The following RUNX1 variants were observed in gnomAD, a reference collection of about 807,000 sequenced individuals.
The protein encoded by RUNX1 is RUNX family transcription factor 1, also known as runt-related transcription factor 1.
RUNX1 carries 19 observed loss-of-function variants against 42.8 expected under a neutral mutation model. The observed-to-expected ratio is 0.44, with a 90% confidence interval of 0.31 to 0.65. The LOEUF is 0.65. Among genes scored for constraint, RUNX1 ranks in the 30% least tolerant of loss-of-function variants. The pLI is 0.07. For missense variants in RUNX1, 528 were observed against 672.0 expected (o/e 0.79, Z 2.37); for synonymous variants, 271 against 289.4 (o/e 0.94, Z 0.64).
At chr21:34,942,155 C>T (rs898617881) in intron 2 of RUNX1, among the ~76,000 whole-genome samples, 60 of 152,062 alleles carry the variant, frequency 3.9e-4, no homozygotes, top group African/African-American at 1.4e-3. Context: ...GAGGTTCCGC[C>T]TATGTTGGAG....
At chr21:35,035,528 A>C (rs1198832306) in intron 2 of RUNX1, among the ~76,000 whole-genome samples, 1 of 152,164 alleles carries the variant, frequency 6.6e-6, no homozygotes, top group African/African-American at 2.4e-5. Context: ...ATTTTTAGCC[A>C]GTGGGAATTA....
intron 7 of RUNX1, among the ~76,000 whole-genome samples, chr21:34,829,067 A>G (rs2057028733): frequency 6.6e-6 from 1 of 152,186 alleles, no homozygotes; most frequent in African/African-American, 2.4e-5. Flanking sequence ...AGATAAGAAA[A>G]CTAAGGCTTT....
At chr21:34,980,370 G>A (rs958886307) in intron 2 of RUNX1, among the ~76,000 whole-genome samples, 2 of 152,206 alleles carry the variant, frequency 1.3e-5, no homozygotes, top group African/African-American at 2.4e-5. Context: ...ACATTTATCA[G>A]GTCCTACGTA....
At chr21:34,953,740 A>G (rs1489880453) in intron 2 of RUNX1, among the ~76,000 whole-genome samples, 1 of 152,244 alleles carries the variant, frequency 6.6e-6, no homozygotes, top group Admixed American at 6.5e-5. Context: ...AGGAAAGACA[A>G]ATCCACAACT....
chr21:34,957,817 C>T (rs776673182), intron 2 of RUNX1, among the ~76,000 whole-genome samples: 22 of 152,044 alleles, frequency 1.4e-4, no homozygotes, highest in Non-Finnish European at 2.1e-4. Flanking sequence ...TCTGGAATCC[C>T]GAGGCTGATG....
chr21:35,038,671 G>C (rs969997617), intron 2 of RUNX1: 1 of 455,436 alleles, frequency 2.2e-6, no homozygotes, highest in Non-Finnish European at 4.4e-6. Context: ...GAGAGAGAGA[G>C]ACCTTTATTT....
At chr21:34,848,487 T>A (rs1009418057) in intron 6 of RUNX1, among the ~76,000 whole-genome samples, 1 of 152,160 alleles carries the variant, frequency 6.6e-6, no homozygotes, top group African/African-American at 2.4e-5. Flanking sequence ...CAGGCTGGAG[T>A]GCAGTGGAGC....
intron 7 of RUNX1, among the ~76,000 whole-genome samples, chr21:34,822,000 C>G (rs2056915313): frequency 6.6e-6 from 1 of 152,202 alleles, no homozygotes. Flanking sequence ...GGCTCAGAGC[C>G]TCTCACACAG....
At chr21:34,888,509 A>T in intron 3 of RUNX1, 1 of 1,066,080 alleles carries the variant, frequency 9.4e-7, no homozygotes, top group Non-Finnish European at 1.1e-6. Flanking sequence ...GAAAAACAAA[A>T]AAAAACAACA....
At chr21:34,799,987 A>G (rs2056586083) in intron 7 of RUNX1, among the ~76,000 whole-genome samples, 1 of 152,158 alleles carries the variant, frequency 6.6e-6, no homozygotes. Context: ...TAGTAAGGCG[A>G]ATTCTCTCCC....
chr21:34,944,908 T>G (rs114550154), intron 2 of RUNX1, among the ~76,000 whole-genome samples: 330 of 152,356 alleles, frequency 2.2e-3, no homozygotes, highest in African/African-American at 7.5e-3. Flanking sequence ...TTCTGACTTA[T>G]TGGGAAGTTG....
At chr21:34,879,914 T>A (rs1460681683) in intron 5 of RUNX1, among the ~76,000 whole-genome samples, 1 of 152,174 alleles carries the variant, frequency 6.6e-6, no homozygotes, top group African/African-American at 2.4e-5. Flanking sequence ...ATTTCTTGGA[T>A]AATCCAATCT....
intron 2 of RUNX1, among the ~76,000 whole-genome samples, chr21:34,958,811 C>T (rs953890700): frequency 3.5e-4 from 53 of 151,814 alleles, no homozygotes; most frequent in African/African-American, 1.3e-3. Context: ...AAATGTCCAA[C>T]AATGATAGAC....
At position 34,788,497 on chromosome 21, in the gene RUNX1, C is replaced by T. The variant is rs1568997203; in HGVS notation, c.*3638G>A. The T allele has an allele frequency of 3.0e-5, 7 of 232,878 alleles. No individual in the cohort carries two copies. In the East Asian group the frequency reaches 3.7e-4, roughly 12 times the overall value. The allele number at this position is 232,878 out of a possible 1,614,324, so 14.4% of individuals were successfully genotyped here. A position where few individuals can be genotyped will look rare whatever the true frequency, so the allele number is the denominator to read the frequency against. On this transcript the variant is annotated 3_prime_UTR_variant, in exon 9 of 9. Transcript: ENST00000675419. ...CTAAAATAAACAAAGTAGAAAGAAG[C>T]ATTTTTTTCCCTACAGTATTTAGCA...
chr21:34,916,827 C>T (rs542328077), intron 2 of RUNX1, among the ~76,000 whole-genome samples: 12 of 152,262 alleles, frequency 7.9e-5, no homozygotes, highest in East Asian at 3.9e-4. Context: ...TGGGTCGCGG[C>T]GGCATTTTCT....
chr21:34,949,674 C>G (rs995456005), intron 2 of RUNX1, among the ~76,000 whole-genome samples: 4 of 152,218 alleles, frequency 2.6e-5, no homozygotes, highest in Non-Finnish European at 5.9e-5. Context: ...CCCGCGCCAG[C>G]GAGGGCAGGC....
intron 2 of RUNX1, among the ~76,000 whole-genome samples, chr21:35,029,536 A>G (rs2059259105): frequency 1.3e-5 from 2 of 152,132 alleles, no homozygotes; most frequent in African/African-American, 4.8e-5. Context: ...GGTGCTGGCA[A>G]CCTACAGGGC....
At chr21:34,889,728 C>A (rs767416566) in intron 3 of RUNX1, 1 of 1,184,822 alleles carries the variant, frequency 8.4e-7, no homozygotes, top group South Asian at 1.8e-5. Context: ...CCCCGCGGTG[C>A]TGCGGGCATT....
At position 35,005,738 on chromosome 21, in the gene RUNX1, ATGGCTTT is replaced by A. The variant is rs141801662; in HGVS notation, c.58+43097_58+43103del. On this transcript the variant is annotated intron_variant, in intron 2 of 8. Coordinates refer to ENST00000675419, the MANE Select transcript of RUNX1 (RefSeq NM_001754.5). ...TAAATGCTGTACATGGAGGAAGAAC[ATGGCTTT>A]TGGCTGCAGCTGGAAGTCTCCTCCC... is the stretch of plus-strand genomic sequence containing the variant. 2.5e-3 allele frequency among the ~76,000 whole-genome samples: 374 copies of A among 152,260 alleles called. 5 individuals are homozygous for A. In the East Asian group the frequency reaches 0.048, roughly 19 times the overall value.
Sources: allele counts gnomAD v4.1 joint callset (sites outside exome capture counted in the v4.1 genomes callset), GRCh38; gene constraint gnomAD v4.1.1; transcripts MANE v1.5; gene names NCBI Gene and HGNC (gene_info 2026-07-23, HGNC 2026-07-21).